Variants in CYP39A1 observed in about 807,000 individuals in gnomAD.
The protein encoded by CYP39A1 is cytochrome P450 family 39 subfamily A member 1.
CYP39A1 carries 49 observed loss-of-function variants against 58.1 expected under a neutral mutation model. The ratio of observed to expected loss-of-function variants is 0.84; its 90% CI spans 0.67 to 1.07. The LOEUF (loss-of-function observed/expected upper bound fraction) is 1.07, where lower values mean the gene tolerates loss of function less well. Among genes scored for constraint, CYP39A1 ranks in the 50% least tolerant of loss-of-function variants. The pLI, the probability that CYP39A1 is intolerant of heterozygous loss-of-function variation, is 0.00. For missense variants in CYP39A1, 531 were observed against 539.4 expected (o/e 0.98, Z 0.16); for synonymous variants, 209 against 187.6 (o/e 1.11, Z -0.93).
At chr6:46,619,181 A>C (rs1292897863) in intron 7 of CYP39A1, among the ~76,000 whole-genome samples, 2 of 152,182 alleles carry the variant, frequency 1.3e-5, no homozygotes, top group Non-Finnish European at 2.9e-5. Context: ...AAAACTGTCA[A>C]AAAGTCTTTA....
At chr6:46,638,883 C>T (rs936660068) in intron 3 of CYP39A1, among the ~76,000 whole-genome samples, 3 of 152,160 alleles carry the variant, frequency 2.0e-5, no homozygotes, top group Non-Finnish European at 4.4e-5. Context: ...TCATGTCTCC[C>T]ATGCCCAGAC....
chr6:46,636,044 A>C (rs761098213), intron 5 of CYP39A1, among the ~76,000 whole-genome samples: 2 of 152,222 alleles, frequency 1.3e-5, no homozygotes, highest in Non-Finnish European at 2.9e-5. Context: ...GGCATCAACA[A>C]CAAAGCCTAT....
At chr6:46,574,147 G>A (rs773017782) in intron 10 of CYP39A1, among the ~76,000 whole-genome samples, 7 of 152,130 alleles carry the variant, frequency 4.6e-5, no homozygotes, top group Non-Finnish European at 1.0e-4. Context: ...TATGTTATCA[G>A]CTTCAGCATA....
intron 10 of CYP39A1, among the ~76,000 whole-genome samples, chr6:46,564,377 G>A (rs6908369): frequency 0.11 from 17,134 of 151,554 alleles, 986 homozygotes; most frequent in Middle Eastern, 0.16. Flanking sequence ...TGTATTTTTA[G>A]TAGAGACGAG....
intron 10 of CYP39A1, among the ~76,000 whole-genome samples, chr6:46,584,738 C>T (rs990871291): frequency 6.6e-6 from 1 of 152,142 alleles, no homozygotes; most frequent in South Asian, 2.1e-4. Context: ...CCTTAAGCCA[C>T]ATGCCTCTGT....
intron 7 of CYP39A1, among the ~76,000 whole-genome samples, chr6:46,619,835 T>A (rs1774847061): frequency 6.6e-6 from 1 of 152,118 alleles, no homozygotes; most frequent in Non-Finnish European, 1.5e-5. Context: ...ACACAATGCC[T>A]TCACATGGTG....
At chr6:46,631,383 T>C (rs1775652556) in intron 5 of CYP39A1, among the ~76,000 whole-genome samples, 1 of 152,184 alleles carries the variant, frequency 6.6e-6, no homozygotes, top group Non-Finnish European at 1.5e-5. Flanking sequence ...ATGTTCATAA[T>C]ATGGTACCTA....
intron 10 of CYP39A1, among the ~76,000 whole-genome samples, chr6:46,563,940 G>T (rs1285923723): frequency 1.3e-5 from 2 of 152,034 alleles, no homozygotes; most frequent in African/African-American, 4.8e-5. Context: ...GAATCTCAAT[G>T]AGAGAGTGAC....
chr6:46,623,008 G>A (rs561207775), intron 7 of CYP39A1, among the ~76,000 whole-genome samples: 9 of 152,280 alleles, frequency 5.9e-5, no homozygotes, highest in African/African-American at 2.2e-4. Context: ...TGGGCAAAGT[G>A]CCTAGAAGTG....
intron 10 of CYP39A1, chr6:46,586,280 A>G: frequency 1.0e-6 from 1 of 980,086 alleles, no homozygotes; most frequent in Non-Finnish European, 1.2e-6. Flanking sequence ...TTTTTTAAAT[A>G]TAAAAATTTA....
chr6:46,652,195 G>T (rs907403350), intron 1 of CYP39A1, among the ~76,000 whole-genome samples: 2 of 152,138 alleles, frequency 1.3e-5, no homozygotes, highest in Non-Finnish European at 2.9e-5. Context: ...GTCGATGCAC[G>T]CTGCAATTGT....
At chr6:46,587,282 T>C (rs1364184509) in intron 9 of CYP39A1, 117 bp from the exon 10 acceptor site, 1 of 712,806 alleles carries the variant, frequency 1.4e-6, no homozygotes, top group Non-Finnish European at 2.5e-6. Flanking sequence ...AGTTGCAGGG[T>C]TGTTGGTAAT....
At chr6:46,587,190 T>C (rs760923173) in intron 9 of CYP39A1, 25 bp from the exon 10 acceptor site, 79 of 1,456,256 alleles carry the variant, frequency 5.4e-5, no homozygotes, top group Admixed American at 8.9e-5. Context: ...CATTTTTTTT[T>C]CCAAATCAGC....
chr6:46,623,431 T>C (rs952088082), intron 7 of CYP39A1, among the ~76,000 whole-genome samples: 1 of 152,148 alleles, frequency 6.6e-6, no homozygotes, highest in Non-Finnish European at 1.5e-5. Context: ...ACCATTATTC[T>C]GGGTGTGTCT....
intron 1 of CYP39A1, among the ~76,000 whole-genome samples, chr6:46,644,811 G>C (rs1346129120): frequency 6.6e-6 from 1 of 152,144 alleles, no homozygotes; most frequent in East Asian, 1.9e-4. Context: ...ATTTGGTGTT[G>C]TTGCAATTTT....
intron 7 of CYP39A1, among the ~76,000 whole-genome samples, chr6:46,605,797 A>T (rs1035433990): frequency 2.6e-5 from 4 of 152,236 alleles, no homozygotes; most frequent in African/African-American, 9.6e-5. Context: ...ATAAATTAGC[A>T]GTAGCTTACA....
chr6:46,628,599 T>G (rs1181920520), intron 6 of CYP39A1, among the ~76,000 whole-genome samples: 1 of 152,222 alleles, frequency 6.6e-6, no homozygotes, highest in Non-Finnish European at 1.5e-5. Flanking sequence ...CTAACCCATC[T>G]GAAGCCTGAG....
chr6:46,650,984 T>A (rs548791144), intron 1 of CYP39A1, among the ~76,000 whole-genome samples: 1 of 152,328 alleles, frequency 6.6e-6, no homozygotes, highest in East Asian at 1.9e-4. Flanking sequence ...GTTTCATCTA[T>A]CAGACTAGCA....
chr6:46,596,141 A>G (rs1773142391), intron 7 of CYP39A1, 21 bp from the exon 8 acceptor site: 1 of 1,578,606 alleles, frequency 6.3e-7, no homozygotes, highest in Non-Finnish European at 8.6e-7. Context: ...ATTTTTAATG[A>G]GAAATAAATA....
Sources: gnomAD v4.1 joint callset for allele counts (sites outside exome capture counted in the v4.1 genomes callset) on GRCh38, gnomAD v4.1.1 for gene constraint, MANE v1.5 for transcripts, NCBI Gene and HGNC (gene_info 2026-07-23, HGNC 2026-07-21) for gene names.